CPEB2: variants seen among roughly 807,000 people sequenced by gnomAD.
CPEB2 encodes cytoplasmic polyadenylation element-binding protein 2.
Under a neutral mutation model 93.6 loss-of-function variants are expected in CPEB2, and 56 were observed. That is an observed-to-expected ratio of 0.60 (90% CI 0.48 to 0.75). The LOEUF (loss-of-function observed/expected upper bound fraction) is 0.75. CPEB2 is among the 30% of genes least tolerant of loss of function. CPEB2 has a pLI of 0.00. For missense variants in CPEB2, 1,579 were observed against 1,395.1 expected, an observed-to-expected ratio of 1.13 and a Z score of -2.10; for synonymous variants, 764 against 586.3, an observed-to-expected ratio of 1.30 and a Z score of -4.38.
intron 7 of CPEB2, among the ~76,000 whole-genome samples, chr4:15,053,627 A>G (rs1227345850): frequency 6.6e-6 from 1 of 152,234 alleles, no homozygotes; most frequent in Non-Finnish European, 1.5e-5. Flanking sequence ...AACGTAAGAC[A>G]TAGCAATTGG....
chr4:15,005,350 G>A (rs1191126411), intron 1 of CPEB2, among the ~76,000 whole-genome samples: 1 of 152,174 alleles, frequency 6.6e-6, no homozygotes, highest in Non-Finnish European at 1.5e-5. Flanking sequence ...CTTCTACAAG[G>A]GAATATGTGG....
At position 15,052,574 on chromosome 4, in the gene CPEB2, T is replaced by C; in HGVS notation, c.2361T>C (p.Asp787=). 6.6e-7 allele frequency: 1 copy of C among 1,523,944 alleles called. No individual in the cohort carries two copies. Among genetic ancestry groups the C allele is most frequent in the South Asian group, 1.3e-5 (1 of 78,548 alleles). 94.4% of individuals were successfully genotyped at this position (1,523,944 alleles called of 1,614,324 possible). A position where few individuals can be genotyped will look rare whatever the true frequency, so the allele number is the denominator to read the frequency against. ...RKVFVGGLPP[D]IDEDEITASF... ...TTTTTGTTGGTGGTCTTCCTCCAGATATTGATGAAGGTATTTATTAAGATA... is the reference window on the plus strand; with the variant it reads ...TTTTTGTTGGTGGTCTTCCTCCAGACATTGATGAAGGTATTTATTAAGATA... Residue 787 remains aspartate, a synonymous_variant, in exon 7 of 12, where the codon GAT becomes GAC. Coordinates refer to ENST00000538197, the MANE Select transcript of CPEB2 (RefSeq NM_001177382.2).
In CPEB2 at chr4:15,062,206, T is replaced by C. The variant is rs16891343; in HGVS notation, c.2823T>C (p.Ile941=). The stretch of plus-strand genomic sequence containing the variant: ...CTTTCTCCAATCAGCAGAGCTATAT[T>C]GCTGCCATTAGTGCTCGGTTTGTTC... ...RVAFSNQQSY[I]AAISARFVQL... The change falls in exon 11 of 12, where the codon ATT becomes ATC. Residue 941 remains isoleucine, a synonymous_variant. Coordinates refer to ENST00000538197, the MANE Select transcript of CPEB2 (RefSeq NM_001177382.2). 9.0e-3 allele frequency: 14,450 copies of C among 1,612,804 alleles called. 754 individuals are homozygous for C. The South Asian group carries it at 0.1, about 12-fold the overall frequency.
intron 3 of CPEB2, among the ~76,000 whole-genome samples, chr4:15,013,922 T>G (rs1723800848): frequency 3.3e-5 from 5 of 152,162 alleles, no homozygotes; most frequent in Admixed American, 3.3e-4. Flanking sequence ...ATCTCACTGA[T>G]TCAGTTAGAT....
At chr4:15,021,248 C>G (rs1361328742) in intron 4 of CPEB2, among the ~76,000 whole-genome samples, 1 of 152,096 alleles carries the variant, frequency 6.6e-6, no homozygotes. Flanking sequence ...CCATTAACAT[C>G]CTATTTTCTG....
intron 4 of CPEB2, among the ~76,000 whole-genome samples, chr4:15,022,503 C>A (rs770984165): frequency 2.6e-5 from 4 of 151,794 alleles, no homozygotes; most frequent in African/African-American, 7.3e-5. Flanking sequence ...ATCTATGTAT[C>A]TAATATATAT....
intron 4 of CPEB2, among the ~76,000 whole-genome samples, chr4:15,018,522 T>A (rs1724424307): frequency 6.6e-6 from 1 of 151,286 alleles, no homozygotes; most frequent in South Asian, 2.1e-4. Context: ...TTCAGCTTAG[T>A]TTTTTGAGTA....
In CPEB2 at chr4:15,002,646, TCTC is replaced by T; in HGVS notation, c.-23_-21del. On this transcript the variant is annotated 5_prime_UTR_variant, in exon 1 of 12. Coordinates refer to ENST00000538197, the MANE Select transcript of CPEB2 (RefSeq NM_001177382.2). ...TAGGTGGGGCAGGGGACGAGGAGCG[TCTC>T]CTCCCGCTGCCGGCGGCCTGATAAA... 6.8e-7 allele frequency: 1 copy of T among 1,473,218 alleles called. No individual in the cohort carries two copies. The highest frequency in any genetic ancestry group is 9.0e-7 in the Non-Finnish European group (1 of 1,111,460). The allele number at this position is 1,473,218 out of a possible 1,614,324, so 91.3% of individuals were successfully genotyped here.
At chr4:15,058,935 G>A (rs1408300075) in intron 9 of CPEB2, among the ~76,000 whole-genome samples, 4 of 152,118 alleles carry the variant, frequency 2.6e-5, no homozygotes, top group East Asian at 1.9e-4. Context: ...CTTTGATCTC[G>A]AAACCATCCT....
At chr4:15,033,275 T>TCAGAGAAACA in intron 5 of CPEB2, 64 bp downstream of exon 5, 2 of 1,020,626 alleles carry the variant, frequency 2.0e-6, no homozygotes, top group Non-Finnish European at 3.1e-6. Flanking sequence ...TAATACATGT[T>TCAGAGAAACA]TCTCTGAACC....
chr4:15,032,915 C>T (rs1039643095), intron 4 of CPEB2, among the ~76,000 whole-genome samples: 1 of 152,066 alleles, frequency 6.6e-6, no homozygotes, highest in Non-Finnish European at 1.5e-5. Context: ...ATTGGCATTG[C>T]TCCCAAATCA....
At chr4:15,060,170 G>A (rs1315708172) in intron 10 of CPEB2, among the ~76,000 whole-genome samples, 2 of 152,076 alleles carry the variant, frequency 1.3e-5, no homozygotes, top group East Asian at 3.9e-4. Context: ...TGAGTGGAGG[G>A]AAACAGGGTG....
rs780890580 is a variant in CPEB2, at chr4:15,003,943, G to GCCA, written c.1276_1278dup (p.Thr426dup). On this transcript the variant is annotated inframe_insertion, in exon 1 of 12. Transcript: ENST00000538197. Reference sequence around the variant, plus strand: ...GCAGCCGCAGCCGCCCGGCTCGTCTGCCACCACCCCGGGCGGCGGCAGCGG... The same window carrying GCCA: ...GCAGCCGCAGCCGCCCGGCTCGTCTGCCACCACCACCCCGGGCGGCGGCAGCGG... 1 of 1,240,064 alleles carries GCCA rather than the reference G, an allele frequency of 8.1e-7. No individual in the cohort carries two copies. The highest frequency in any genetic ancestry group is 1.0e-6 in the Non-Finnish European group (1 of 958,018). 76.8% of individuals were successfully genotyped at this position (1,240,064 alleles called of 1,614,324 possible). A position where few individuals can be genotyped will look rare whatever the true frequency, so the allele number is the denominator to read the frequency against.
At chr4:15,004,442 C>A (rs1385132754) in intron 1 of CPEB2, 107 bp downstream of exon 1, 3 of 796,168 alleles carry the variant, frequency 3.8e-6, no homozygotes, top group Non-Finnish European at 5.4e-6. Context: ...CCGAGAGAAG[C>A]CGCGACGGGG....
intron 5 of CPEB2, 55 bp downstream of exon 5, chr4:15,033,266 A>G (rs2109029926): frequency 4.4e-6 from 5 of 1,124,194 alleles, no homozygotes; most frequent in Non-Finnish European, 6.7e-6. Flanking sequence ...AAGATGATTT[A>G]ATACATGTTT....
At chr4:15,021,373 T>C (rs961610794) in intron 4 of CPEB2, among the ~76,000 whole-genome samples, 18 of 152,330 alleles carry the variant, frequency 1.2e-4, no homozygotes, top group African/African-American at 3.8e-4. Flanking sequence ...TTTTCAGTTT[T>C]AGATTTGCAT....
rs1175514482 is a variant in CPEB2, at chr4:15,003,611, C to T, written c.938C>T (p.Ser313Phe). The T allele has an allele frequency of 8.1e-6, 12 of 1,479,362 alleles. No individual in the cohort carries two copies. Among genetic ancestry groups the T allele is most frequent in the Non-Finnish European group, 1.1e-5 (12 of 1,119,538 alleles). 91.6% of individuals were successfully genotyped at this position (1,479,362 alleles called of 1,614,324 possible). A position where few individuals can be genotyped will look rare whatever the true frequency, so the allele number is the denominator to read the frequency against. The change falls in exon 1 of 12, where the codon TCC becomes TTC. Residue 313 changes from serine (S) to phenylalanine (F), a missense_variant. Ser to Phe is a radical substitution (Grantham distance 155). This residue lies in a region of CPEB2 where 1,411 missense variants were observed against 1,056.0 expected (regional missense o/e 1.34). Transcript: ENST00000538197. ...ACGCCGGTGAACCCCGCGCCGGGCT[C>T]CATGGAGTCCCCCAACCACCCTCTG... Reference protein sequence around the residue: ...SSTPVNPAPGSMESPNHPLLN... With the variant: ...SSTPVNPAPGFMESPNHPLLN...
intron 4 of CPEB2, 95 bp downstream of exon 4, chr4:15,017,373 A>G (rs1246969492): frequency 2.9e-5 from 16 of 559,162 alleles, no homozygotes; most frequent in Non-Finnish European, 5.0e-5. Context: ...AGTAGCACCT[A>G]TATCCAATAT....
chr4:15,061,968 C>T, intron 10 of CPEB2, 111 bp from the exon 11 acceptor site: 1 of 1,023,440 alleles, frequency 9.8e-7, no homozygotes, highest in Non-Finnish European at 1.4e-6. Context: ...CCATTCTACT[C>T]CTGGTCAAAT....
Sources: gnomAD v4.1 joint callset for allele counts (sites outside exome capture counted in the v4.1 genomes callset) on GRCh38, gnomAD v4.1.1 for gene constraint, gnomAD v4.1.1 regional missense constraint, MANE v1.5 for transcripts, NCBI Gene and HGNC (gene_info 2026-07-23, HGNC 2026-07-21) for gene names.